The following SH2D4B variants were observed in gnomAD, a reference collection of about 807,000 sequenced individuals.
SH2D4B encodes SH2 domain containing 4B, also known as SH2 domain-containing protein 4B.
Under a neutral mutation model 61.5 loss-of-function variants are expected in SH2D4B, and 45 were observed. That is an observed-to-expected ratio of 0.73 (90% CI 0.58 to 0.94). SH2D4B has a LOEUF of 0.94. Ranked by LOEUF, SH2D4B falls within the 40% of genes least tolerant of loss-of-function variation. The pLI, the probability that SH2D4B is intolerant of heterozygous loss-of-function variation, is 0.00. For missense variants in SH2D4B, 572 were observed against 574.2 expected, an observed-to-expected ratio of 1.00 and a Z score of 0.04; for synonymous variants, 224 against 220.4, an observed-to-expected ratio of 1.02 and a Z score of -0.14.
chr10:80,612,632 C>T (rs988985179), intron 6 of SH2D4B, among the ~76,000 whole-genome samples: 1 of 152,214 alleles, frequency 6.6e-6, no homozygotes, highest in Non-Finnish European at 1.5e-5. Flanking sequence ...TTACGAGGAA[C>T]TGCAGAGTCC....
rs922909840 is a variant in SH2D4B at position 80,543,782 on chromosome 10, C to G, written c.184+5267C>G. Among the ~76,000 whole-genome samples the G allele has an allele frequency of 9.9e-5, 15 of 152,216 alleles. No homozygotes were observed. In the East Asian group the frequency reaches 2.1e-3, roughly 22 times the overall value. Reference sequence around the variant, plus strand: ...CAAGGTTTGTAAACACACCAATCAGCACCCTGTGTCTAGCTCAGGGTTTGT... The same window carrying G: ...CAAGGTTTGTAAACACACCAATCAGGACCCTGTGTCTAGCTCAGGGTTTGT... On this transcript the variant is annotated intron_variant, in intron 1 of 7. Transcript: ENST00000646907.
At chr10:80,595,625 T>A (rs531973278) in intron 4 of SH2D4B, among the ~76,000 whole-genome samples, 1 of 152,320 alleles carries the variant, frequency 6.6e-6, no homozygotes, top group South Asian at 2.1e-4. Flanking sequence ...CCTGAGTGAC[T>A]GCTGCACTCA....
At chr10:80,567,608 A>G (rs1841986184) in intron 1 of SH2D4B, among the ~76,000 whole-genome samples, 1 of 152,204 alleles carries the variant, frequency 6.6e-6, no homozygotes, top group Non-Finnish European at 1.5e-5. Flanking sequence ...CCACTAAGGA[A>G]ATGCCACCTG....
intron 4 of SH2D4B, among the ~76,000 whole-genome samples, chr10:80,597,671 TAAATA>T (rs58385156): frequency 0.12 from 17,968 of 150,768 alleles, 1,185 homozygotes; most frequent in East Asian, 0.24. Flanking sequence ...ATCTCAAAAA[TAAATA>T]AAATAAAATA....
intron 6 of SH2D4B, among the ~76,000 whole-genome samples, chr10:80,632,147 A>G (rs911517405): frequency 2.0e-5 from 3 of 151,896 alleles, no homozygotes; most frequent in African/African-American, 7.3e-5. Flanking sequence ...GGAGACAACA[A>G]CATGGGCTAT....
intron 3 of SH2D4B, among the ~76,000 whole-genome samples, chr10:80,586,787 G>A (rs889921296): frequency 1.3e-5 from 2 of 152,180 alleles, no homozygotes; most frequent in African/African-American, 4.8e-5. Flanking sequence ...TCTTGCTGCT[G>A]CTCACTCTTT....
chr10:80,543,131 G>A (rs1589327922), intron 1 of SH2D4B, among the ~76,000 whole-genome samples: 1 of 152,244 alleles, frequency 6.6e-6, no homozygotes, highest in East Asian at 1.9e-4. Context: ...CTCGCTCTCG[G>A]TGCCTCCTCT....
Position 80,634,638 on chromosome 10 carries a change from C to T in SH2D4B, c.1209+133C>T, listed in dbSNP as rs148678211. 415 of 1,356,880 alleles carry T rather than the reference C, an allele frequency of 3.1e-4. No homozygotes were observed. The African/African-American group carries it at 5.6e-3, about 18-fold the overall frequency. The allele number at this position is 1,356,880 out of a possible 1,614,324, so 84.1% of individuals were successfully genotyped here. A position where few individuals can be genotyped will look rare whatever the true frequency, so the allele number is the denominator to read the frequency against. ...GCTGGAGGGTCTCAGAGATGTAGAG[C>T]ATCAGGGCAGAAGAGACCAGAGGTT... On this transcript the variant is annotated intron_variant, in intron 7 of 7. Coordinates refer to ENST00000646907, the MANE Select transcript of SH2D4B (RefSeq NM_001388272.1).
chr10:80,644,238 G>T lies in SH2D4B; in HGVS notation c.*153G>T. The T allele has an allele frequency of 1.6e-6, 1 of 629,008 alleles. No homozygotes were observed. The highest frequency in any genetic ancestry group is 2.8e-6 in the Non-Finnish European group (1 of 360,410). The allele number at this position is 629,008 out of a possible 1,614,324, so 39.0% of individuals were successfully genotyped here. A position where few individuals can be genotyped will look rare whatever the true frequency, so the allele number is the denominator to read the frequency against. On this transcript the variant is annotated 3_prime_UTR_variant, in exon 8 of 8. Transcript: ENST00000646907. ...TGCCTCAAGGGATATGACATCTATG[G>T]CATAGGGCTACTGGTCTCATCCCAG...
At chr10:80,560,694 T>G (rs995647374) in intron 1 of SH2D4B, among the ~76,000 whole-genome samples, 1 of 27,716 alleles carries the variant, frequency 3.6e-5, no homozygotes, top group Non-Finnish European at 6.9e-5. Flanking sequence ...CTGGCCAAGC[T>G]TTTTTTTTTT....
At chr10:80,640,795 C>T (rs1380403306) in intron 7 of SH2D4B, among the ~76,000 whole-genome samples, 1 of 152,212 alleles carries the variant, frequency 6.6e-6, no homozygotes, top group African/African-American at 2.4e-5. Flanking sequence ...CTTCTGTCAA[C>T]TCGTCAAAGT....
intron 1 of SH2D4B, among the ~76,000 whole-genome samples, chr10:80,563,476 G>A (rs999877580): frequency 2.0e-5 from 3 of 152,042 alleles, no homozygotes; most frequent in Admixed American, 6.6e-5. Flanking sequence ...GTCTATTTTT[G>A]CTGTTGTTGC....
chr10:80,585,755 G>A (rs1842238211), intron 3 of SH2D4B, among the ~76,000 whole-genome samples: 1 of 152,170 alleles, frequency 6.6e-6, no homozygotes, highest in Non-Finnish European at 1.5e-5. Flanking sequence ...CACCTCCTCT[G>A]CCTGGGCTCC....
At chr10:80,619,309 T>G (rs1380698159) in intron 6 of SH2D4B, among the ~76,000 whole-genome samples, 3 of 152,194 alleles carry the variant, frequency 2.0e-5, no homozygotes, top group Non-Finnish European at 4.4e-5. Context: ...TGCCTTCTCA[T>G]CTTTACTCAC....
chr10:80,625,696 C>T (rs1483495768), intron 6 of SH2D4B, among the ~76,000 whole-genome samples: 1 of 151,700 alleles, frequency 6.6e-6, no homozygotes. Flanking sequence ...CCTTAGCCTC[C>T]TGAGTAGCTG....
rs1842868511 is a variant in SH2D4B, at chr10:80,634,277, T to C, written c.989-8T>C. On this transcript the variant is annotated splice_region_variant and splice_polypyrimidine_tract_variant and intron_variant, in intron 6 of 7. Transcript: ENST00000646907. ...TGTGTTTTTTTGTTTTTTTCTATTT[T>C]AAATCAGGAATTATTAGCCGAGAAG... is the stretch of plus-strand genomic sequence containing the variant. The C allele has an allele frequency of 1.3e-6, 2 of 1,499,970 alleles. No individual in the cohort carries two copies. The highest frequency in any genetic ancestry group is 2.4e-5 in the Admixed American group (1 of 41,108). The allele number at this position is 1,499,970 out of a possible 1,614,324, so 92.9% of individuals were successfully genotyped here. A position where few individuals can be genotyped will look rare whatever the true frequency, so the allele number is the denominator to read the frequency against.
intron 6 of SH2D4B, among the ~76,000 whole-genome samples, chr10:80,632,659 G>A (rs930124006): frequency 3.9e-5 from 6 of 151,968 alleles, no homozygotes; most frequent in African/African-American, 1.5e-4. Context: ...TTTAGGGCCC[G>A]GGTGTTCTGG....
intron 6 of SH2D4B, among the ~76,000 whole-genome samples, chr10:80,620,111 T>C (rs1353029233): frequency 6.6e-6 from 1 of 152,204 alleles, no homozygotes; most frequent in East Asian, 1.9e-4. Context: ...CAGGTCATTG[T>C]GCATGGAAGG....
Position 80,644,069 on chromosome 10 carries a change from A to G in SH2D4B, c.1286A>G (p.His429Arg). The G allele has an allele frequency of 1.4e-5, 23 of 1,613,596 alleles. No homozygotes were observed. Among genetic ancestry groups the G allele is most frequent in the Non-Finnish European group, 1.6e-5 (19 of 1,179,750 alleles). ...CGQRDSPPDY[H>R]LLFE is the part of the protein sequence containing the mutation. ...CAGAGGGACAGCCCACCAGACTACCATCTGTTGTTTGAATAATTTTTTTCC... is the reference window on the plus strand; with the variant it reads ...CAGAGGGACAGCCCACCAGACTACCGTCTGTTGTTTGAATAATTTTTTTCC... Residue 429 changes from histidine to arginine, a missense_variant, in exon 8 of 8, where the codon CAT (histidine) becomes CGT (arginine). Transcript: ENST00000646907.
Sources: allele counts gnomAD v4.1 joint callset (sites outside exome capture counted in the v4.1 genomes callset), GRCh38; gene constraint gnomAD v4.1.1; transcripts MANE v1.5; gene names NCBI Gene and HGNC (gene_info 2026-07-23, HGNC 2026-07-21).